ANKRD46: variants seen among roughly 807,000 people sequenced by gnomAD.
The protein encoded by ANKRD46 is ankyrin repeat domain 46.
A neutral mutation model predicts 19.8 loss-of-function variants in ANKRD46; 13 were observed. That is an observed-to-expected ratio of 0.66 (90% confidence interval 0.43 to 1.04). The LOEUF is 1.04. Among genes scored for constraint, ANKRD46 ranks in the 50% least tolerant of loss-of-function variants. ANKRD46 has a pLI of 0.00. For synonymous variants in ANKRD46, 91 were observed against 106.9 expected, an observed-to-expected ratio of 0.85 and a Z score of 0.92; for missense variants, 185 against 274.8, an observed-to-expected ratio of 0.67 and a Z score of 2.31.
chr8:100,517,939 C>G (rs1281805287), downstream of ANKRD46, among the ~76,000 whole-genome samples: 2 of 152,296 alleles, frequency 1.3e-5, no homozygotes, highest in East Asian at 3.9e-4. Context: ...GCCTGTAATC[C>G]CAGCACTTTG....
At chr8:100,514,909 G>C (rs1351298691) in intron 5 of ANKRD46, among the ~76,000 whole-genome samples, 2 of 151,902 alleles carry the variant, frequency 1.3e-5, no homozygotes, top group Non-Finnish European at 2.9e-5. Flanking sequence ...CAAAGTGCTG[G>C]GATTACAGGA....
rs540591245 is a variant in ANKRD46 at position 100,537,433 on chromosome 8, A to T, written c.-130-4122T>A. Among the ~76,000 whole-genome samples, 85 of 152,362 alleles carry T rather than the reference A, an allele frequency of 5.6e-4. No homozygotes were observed. The highest frequency in any genetic ancestry group is 2.0e-3 in the African/African-American group (82 of 41,594). On this transcript the variant is annotated intron_variant, in intron 1 of 4. Coordinates refer to ENST00000335659, the MANE Select transcript of ANKRD46 (RefSeq NM_001270377.2). The surrounding 1 kb of genome is among the most constrained non-coding windows in gnomAD (Gnocchi z 4.2). ...ATCTTATTGCCTTTGCCATTTTCTAATGTCAAAGAAAAGTACTAAAACTGT... is the reference window on the plus strand; with the variant it reads ...ATCTTATTGCCTTTGCCATTTTCTATTGTCAAAGAAAAGTACTAAAACTGT...
rs1281840750 is a variant in ANKRD46, at chr8:100,529,460, G to T, written c.311+63C>A. 14 of 1,477,982 alleles carry T rather than the reference G, an allele frequency of 9.5e-6. No individual in the cohort carries two copies. Among genetic ancestry groups the T allele is most frequent in the South Asian group, 1.3e-5 (1 of 77,558 alleles). The allele number at this position is 1,477,982 out of a possible 1,614,324, so 91.6% of individuals were successfully genotyped here. A position where few individuals can be genotyped will look rare whatever the true frequency, so the allele number is the denominator to read the frequency against. On this transcript the variant is annotated intron_variant, in intron 3 of 4. Coordinates refer to ENST00000335659, the MANE Select transcript of ANKRD46 (RefSeq NM_001270377.2). The surrounding 1 kb of genome is among the most constrained non-coding windows in gnomAD (Gnocchi z 5.8). ...AACAAAACCAACAGACCCAAGATAA[G>T]ATTATCAGTTGAGAGATTAATGGGA...
Position 100,521,749 on chromosome 8 carries a change from A to AT in ANKRD46, c.*805dup. 1.0e-6 allele frequency: 1 copy of AT among 985,330 alleles called. No individual in the cohort carries two copies. Among genetic ancestry groups the AT allele is most frequent in the Non-Finnish European group, 1.2e-6 (1 of 829,848 alleles). The allele number at this position is 985,330 out of a possible 1,614,324, so 61.0% of individuals were successfully genotyped here. Reference sequence around the variant, plus strand: ...ATTATGACAGTTAAATATCAGAATTATTTTTCCCTGCTAACTATTCAGTAG... The same window carrying AT: ...ATTATGACAGTTAAATATCAGAATTATTTTTTCCCTGCTAACTATTCAGTAG... On this transcript the variant is annotated 3_prime_UTR_variant, in exon 5 of 5. Coordinates refer to ENST00000335659, the MANE Select transcript of ANKRD46 (RefSeq NM_001270377.2).
At position 100,510,304 on chromosome 8, in the gene ANKRD46, G is replaced by C. The variant is rs1811530174; in HGVS notation, c.*273C>G. 5.1e-6 allele frequency: 2 copies of C among 389,086 alleles called. No homozygotes were observed. Among genetic ancestry groups the C allele is most frequent in the Middle Eastern group, 6.6e-4 (1 of 1,504 alleles). 24.1% of individuals were successfully genotyped at this position (389,086 alleles called of 1,614,324 possible). A position where few individuals can be genotyped will look rare whatever the true frequency, so the allele number is the denominator to read the frequency against. On this transcript the variant is annotated 3_prime_UTR_variant, in exon 6 of 6. Transcript: ENST00000520552. The surrounding 1 kb of genome is among the most constrained non-coding windows in gnomAD (Gnocchi z 4.9). The stretch of plus-strand genomic sequence containing the variant: ...ATTTGCCTTGTGGAGGTGGCATCCT[G>C]CCCGGGCGGAGGAGGGGATGGTTCC...
chr8:100,553,143 G>T (rs1016197171), intron 1 of ANKRD46, among the ~76,000 whole-genome samples: 1 of 152,164 alleles, frequency 6.6e-6, no homozygotes, highest in South Asian at 2.1e-4. Flanking sequence ...TGACCAAGGA[G>T]ATAACCGAAA....
At position 100,524,346 on chromosome 8, in the gene ANKRD46, A is replaced by G. The variant is rs1811792660; in HGVS notation, c.471-1575T>C. 6.6e-6 allele frequency among the ~76,000 whole-genome samples: 1 copy of G among 152,244 alleles called. No individual in the cohort carries two copies. Among genetic ancestry groups the G allele is most frequent in the Admixed American group, 6.5e-5 (1 of 15,280 alleles). On this transcript the variant is annotated intron_variant, in intron 4 of 4. Coordinates refer to ENST00000335659, the MANE Select transcript of ANKRD46 (RefSeq NM_001270377.2). This position sits in a 1 kb window ranked among gnomAD's most constrained non-coding sequence, Gnocchi z 4.3. ...CTTAGAGTCTCATTCATTATGAACT[A>G]TGAATAAACATGCAAAACTGACATT...
rs982975481 is a variant in ANKRD46, at chr8:100,536,824, GAACT to G, written c.-130-3517_-130-3514del. 3.3e-5 allele frequency among the ~76,000 whole-genome samples: 5 copies of G among 152,198 alleles called. No homozygotes were observed. Among genetic ancestry groups the G allele is most frequent in the African/African-American group, 1.2e-4 (5 of 41,450 alleles). ...AGACTAGCTGGCATTGTTAAAAGCAGAACTTTGGGGGTCAGGTTTTTGAGGGCTG... is the reference window on the plus strand; with the variant it reads ...AGACTAGCTGGCATTGTTAAAAGCAGTTGGGGGTCAGGTTTTTGAGGGCTG... On this transcript the variant is annotated intron_variant, in intron 1 of 4. Coordinates refer to ENST00000335659, the MANE Select transcript of ANKRD46 (RefSeq NM_001270377.2). This position sits in a 1 kb window ranked among gnomAD's most constrained non-coding sequence, Gnocchi z 4.9.
At chr8:100,518,379 C>T (rs138308421), downstream of ANKRD46, among the ~76,000 whole-genome samples, 362 of 152,254 alleles carry the variant, frequency 2.4e-3, no homozygotes, top group Non-Finnish European at 3.7e-3. Context: ...GAAGAAACAA[C>T]GAAGTCATTA....
chr8:100,528,508 CTTGT>C (rs1001763187), intron 3 of ANKRD46, among the ~76,000 whole-genome samples: 8 of 149,502 alleles, frequency 5.4e-5, no homozygotes, highest in African/African-American at 7.4e-5. Flanking sequence ...TGAATTAACC[CTTGT>C]TTTTCTTTTT....
chr8:100,546,395 G>A lies in ANKRD46; in HGVS notation c.-130-13084C>T, dbSNP rs1812273484. On this transcript the variant is annotated intron_variant, in intron 1 of 4. Coordinates refer to ENST00000335659, the MANE Select transcript of ANKRD46 (RefSeq NM_001270377.2). The surrounding 1 kb of genome is among the most constrained non-coding windows in gnomAD (Gnocchi z 4.0). The stretch of plus-strand genomic sequence containing the variant: ...CATGGCTAAAAGGGGCCAGACTACA[G>A]CTCAGACCATTGCTTCAGAGGGTGC... Among the ~76,000 whole-genome samples the A allele has an allele frequency of 2.0e-5, 3 of 152,258 alleles. No individual in the cohort carries two copies. Among genetic ancestry groups the A allele is most frequent in the Admixed American group, 2.0e-4 (3 of 15,292 alleles).
intron 1 of ANKRD46, chr8:100,554,837 G>T (rs1812461872): frequency 6.6e-6 from 1 of 152,062 alleles, no homozygotes; most frequent in Admixed American, 6.6e-5. Context: ...TTAGAGACCA[G>T]CCTGGCCAAC....
chr8:100,548,038 C>T (rs1468626283), intron 1 of ANKRD46, among the ~76,000 whole-genome samples: 1 of 152,086 alleles, frequency 6.6e-6, no homozygotes, highest in East Asian at 1.9e-4. Flanking sequence ...GCTCCCATGG[C>T]CCAAGCATGG....
At chr8:100,558,079 T>C (rs1247809259) in intron 1 of ANKRD46, among the ~76,000 whole-genome samples, 1 of 152,218 alleles carries the variant, frequency 6.6e-6, no homozygotes, top group Non-Finnish European at 1.5e-5. Context: ...AGGCACTCAA[T>C]ATACGCTTGC....
At position 100,525,520 on chromosome 8, in the gene ANKRD46, T is replaced by A. The variant is rs549937576; in HGVS notation, c.470+2325A>T. ...GAATCATGTAATATGTGGCCTTTTGTGCCTGGCTTCTCCAATGTAGCATGT... is the reference window on the plus strand; with the variant it reads ...GAATCATGTAATATGTGGCCTTTTGAGCCTGGCTTCTCCAATGTAGCATGT... On this transcript the variant is annotated intron_variant, in intron 4 of 4. Coordinates refer to ENST00000335659, the MANE Select transcript of ANKRD46 (RefSeq NM_001270377.2). This position sits in a 1 kb window ranked among gnomAD's most constrained non-coding sequence, Gnocchi z 4.4. Among the ~76,000 whole-genome samples, 5 of 152,348 alleles carry A rather than the reference T, an allele frequency of 3.3e-5. No individual in the cohort carries two copies. The East Asian group carries it at 9.6e-4, about 29-fold the overall frequency.
intron 1 of ANKRD46, among the ~76,000 whole-genome samples, chr8:100,547,479 T>A (rs143744083): frequency 2.8e-4 from 43 of 152,306 alleles, no homozygotes; most frequent in African/African-American, 9.9e-4. Context: ...GTGAGTCAAC[T>A]GAACTTCTTT....
At chr8:100,555,498 TA>T (rs1297979287) in intron 1 of ANKRD46, among the ~76,000 whole-genome samples, 1 of 149,272 alleles carries the variant, frequency 6.7e-6, no homozygotes, top group Non-Finnish European at 1.5e-5. Flanking sequence ...AAAAAGACTA[TA>T]AGTTAAATAA....
At chr8:100,552,032 C>T (rs1339711477) in intron 1 of ANKRD46, among the ~76,000 whole-genome samples, 3 of 151,724 alleles carry the variant, frequency 2.0e-5, no homozygotes, top group Admixed American at 6.6e-5. Flanking sequence ...CACCTGTAGT[C>T]CCAGGTACTC....
intron 1 of ANKRD46, among the ~76,000 whole-genome samples, chr8:100,548,793 A>C (rs1224535576): frequency 1.3e-5 from 2 of 152,232 alleles, no homozygotes; most frequent in Non-Finnish European, 2.9e-5. Flanking sequence ...AATGTATAGC[A>C]AAAATGGGGT....
Sources: gnomAD v4.1 joint callset for allele counts (sites outside exome capture counted in the v4.1 genomes callset) on GRCh38, gnomAD v4.1.1 for gene constraint, Gnocchi (gnomAD v3.1) non-coding constraint, MANE v1.5 for transcripts, NCBI Gene and HGNC (gene_info 2026-07-23, HGNC 2026-07-21) for gene names.